C3orf20: variants seen among roughly 807,000 people sequenced by gnomAD.
The protein encoded by C3orf20 is uncharacterized protein C3orf20.
C3orf20 carries 76 observed loss-of-function variants against 88.3 expected under a neutral mutation model. That is an observed-to-expected ratio of 0.86 (90% confidence interval 0.72 to 1.04). The LOEUF (loss-of-function observed/expected upper bound fraction) is 1.04, where lower values mean the gene tolerates loss of function less well. C3orf20 is among the 50% of genes least tolerant of loss of function. C3orf20 has a pLI of 0.00. For synonymous variants in C3orf20, 436 were observed against 437.4 expected (o/e 1.00, Z 0.04); for missense variants, 1,056 against 1,123.3 (o/e 0.94, Z 0.86).
chr3:14,682,684 G>T lies in C3orf20; in HGVS notation c.-30G>T. On this transcript the variant is annotated 5_prime_UTR_variant, in exon 3 of 17. Transcript: ENST00000253697. Reference sequence around the variant, plus strand: ...CTTTTGCTCTCAGTCACCTCTCAGAGAGCTCTCTTTATAGCTGAAGGTCCC... The same window carrying T: ...CTTTTGCTCTCAGTCACCTCTCAGATAGCTCTCTTTATAGCTGAAGGTCCC... 6.4e-7 allele frequency: 1 copy of T among 1,572,730 alleles called. No homozygotes were observed. Among genetic ancestry groups the T allele is most frequent in the Non-Finnish European group, 8.6e-7 (1 of 1,160,172 alleles).
At chr3:14,692,913 G>A (rs75671167) in intron 5 of C3orf20, among the ~76,000 whole-genome samples, 6,931 of 152,216 alleles carry the variant, frequency 0.046, 218 homozygotes, top group Non-Finnish European at 0.068. Flanking sequence ...TTTGTGTATG[G>A]TGAGAGATAG....
rs2032164553 is a variant in C3orf20, at chr3:14,682,773, G to A, written c.60G>A (p.Lys20=). 3.1e-6 allele frequency: 5 copies of A among 1,614,016 alleles called. No individual in the cohort carries two copies. The highest frequency in any genetic ancestry group is 4.2e-6 in the Non-Finnish European group (5 of 1,180,026). ...AGCAATACACAGCCATGGCCCCCAAGCTACTGGCCCGCATCTCCAAACTCC... is the reference window on the plus strand; with the variant it reads ...AGCAATACACAGCCATGGCCCCCAAACTACTGGCCCGCATCTCCAAACTCC... ...LYQQYTAMAP[K]LLARISKLLM... The change falls in exon 3 of 17, where the codon AAG becomes AAA. Residue 20 remains lysine (K), a synonymous_variant. Transcript: ENST00000253697.
chr3:14,764,479 G>GTTT lies in C3orf20; in HGVS notation c.2495+2865_2495+2867dup, dbSNP rs200885717. Among the ~76,000 whole-genome samples, 290 of 124,834 alleles carry GTTT rather than the reference G, an allele frequency of 2.3e-3. 3 individuals carry two copies. Among genetic ancestry groups the GTTT allele is most frequent in the Non-Finnish European group, 1.8e-3 (97 of 54,136 alleles). 81.9% of individuals were successfully genotyped at this position (124,834 alleles called of 152,430 possible). ...CTTTGTAGGATAAAACAACACAATCGTTTATTATTATTATTATTATTATTA... is the reference window on the plus strand; with the variant it reads ...CTTTGTAGGATAAAACAACACAATCGTTTTTTATTATTATTATTATTATTATTA... On this transcript the variant is annotated intron_variant, in intron 15 of 16. Coordinates refer to ENST00000253697, the MANE Select transcript of C3orf20 (RefSeq NM_032137.5).
At chr3:14,710,143 T>TG (rs2033682741) in intron 7 of C3orf20, among the ~76,000 whole-genome samples, 1 of 152,156 alleles carries the variant, frequency 6.6e-6, no homozygotes, top group Non-Finnish European at 1.5e-5. Flanking sequence ...TCTGACTTTA[T>TG]GGTGTACAGC....
intron 1 of C3orf20, among the ~76,000 whole-genome samples, chr3:14,676,325 A>G (rs1289560921): frequency 6.6e-6 from 1 of 151,914 alleles, no homozygotes; most frequent in African/African-American, 2.4e-5. Flanking sequence ...CCCAGGTTTT[A>G]TTGCTTTTCC....
Position 14,682,767 on chromosome 3 carries a change from C to T in C3orf20, c.54C>T (p.Ala18=), listed in dbSNP as rs369236950. Residue 18 remains alanine, a synonymous_variant, in exon 3 of 17, where the codon GCC becomes GCT. Coordinates refer to ENST00000253697, the MANE Select transcript of C3orf20 (RefSeq NM_032137.5). ...TATATCAGCAATACACAGCCATGGC[C>T]CCCAAGCTACTGGCCCGCATCTCCA... ...LELYQQYTAM[A]PKLLARISKL... is the part of the protein sequence containing the mutation. The T allele has an allele frequency of 2.5e-6, 4 of 1,614,102 alleles. No individual in the cohort carries two copies. Among genetic ancestry groups the T allele is most frequent in the East Asian group, 2.2e-5 (1 of 44,892 alleles).
intron 9 of C3orf20, 83 bp from the exon 10 acceptor site, chr3:14,721,570 C>A: frequency 6.4e-7 from 1 of 1,556,064 alleles, no homozygotes. Context: ...CCAACAGGGG[C>A]TTTGTGCTTC....
At chr3:14,767,376 G>A (rs1214252743) in intron 15 of C3orf20, 1 of 152,142 alleles carries the variant, frequency 6.6e-6, no homozygotes. Flanking sequence ...TATTAGAGAA[G>A]GGAAAGTGGA....
intron 12 of C3orf20, among the ~76,000 whole-genome samples, chr3:14,740,517 G>A (rs190557698): frequency 6.6e-4 from 100 of 152,226 alleles, no homozygotes; most frequent in Non-Finnish European, 1.1e-3. Flanking sequence ...GTGACACAGA[G>A]ACATGAAGTG....
intron 12 of C3orf20, among the ~76,000 whole-genome samples, chr3:14,738,826 T>TTTG (rs1553615433): frequency 1.4e-5 from 2 of 147,274 alleles, no homozygotes; most frequent in East Asian, 3.9e-4. Context: ...TTTTTTTTTT[T>TTTG]TTTTTTTTTA....
intron 10 of C3orf20, among the ~76,000 whole-genome samples, chr3:14,722,834 G>A (rs1050842375): frequency 3.4e-4 from 51 of 152,152 alleles, no homozygotes; most frequent in African/African-American, 1.2e-3. Flanking sequence ...ATCTGGTGAT[G>A]TCAAGTCAAC....
chr3:14,736,638 C>G (rs1280384078), intron 12 of C3orf20, among the ~76,000 whole-genome samples: 1 of 149,496 alleles, frequency 6.7e-6, no homozygotes, highest in Non-Finnish European at 1.5e-5. Context: ...ATGGTCTCAG[C>G]TCACTGCAAC....
Position 14,686,169 on chromosome 3 carries a change from CT to C in C3orf20, c.625+1793del, listed in dbSNP as rs1051303783. ...GCCACCACGCCCAGCCCAGGATTTC[CT>C]TTTTTAATAGCTGAATCATATTCGT... On this transcript the variant is annotated intron_variant, in intron 4 of 16. Transcript: ENST00000253697. Among the ~76,000 whole-genome samples the C allele has an allele frequency of 6.8e-4, 100 of 147,544 alleles. 1 individual carries two copies. The highest frequency in any genetic ancestry group is 1.3e-3 in the Non-Finnish European group (84 of 66,870).
intron 12 of C3orf20, among the ~76,000 whole-genome samples, chr3:14,735,978 C>T (rs2034695856): frequency 6.6e-6 from 1 of 152,160 alleles, no homozygotes; most frequent in Admixed American, 6.5e-5. Flanking sequence ...ACACATAAGA[C>T]TATTCAGATT....
At chr3:14,687,860 G>A (rs1457285836) in intron 4 of C3orf20, among the ~76,000 whole-genome samples, 1 of 152,152 alleles carries the variant, frequency 6.6e-6, no homozygotes, top group African/African-American at 2.4e-5. Context: ...CTGGGGGCAG[G>A]GGGCCTTTTG....
At chr3:14,686,495 T>C (rs1046804430) in intron 4 of C3orf20, among the ~76,000 whole-genome samples, 1 of 152,248 alleles carries the variant, frequency 6.6e-6, no homozygotes, top group Non-Finnish European at 1.5e-5. Context: ...TGCCAGCACT[T>C]GTTAGCTTTT....
At chr3:14,761,729 GAGT>G in intron 15 of C3orf20, 114 bp downstream of exon 15, 15 of 904,376 alleles carry the variant, frequency 1.7e-5, no homozygotes, top group East Asian at 5.9e-5. Context: ...TGAAGGGATG[GAGT>G]GGGGAGGGGG....
At position 14,727,026 on chromosome 3, in the gene C3orf20, TAA is replaced by T. The variant is rs781066990; in HGVS notation, c.1690+3_1690+4del. On this transcript the variant is annotated splice_donor_region_variant and intron_variant, in intron 11 of 16. Coordinates refer to ENST00000253697, the MANE Select transcript of C3orf20 (RefSeq NM_032137.5). ...TTAATTCTATCTTGCTGGCCGCAGG[TAA>T]GGAGGCTGAAAGGTGGGCGAAGGCC... The T allele has an allele frequency of 1.8e-5, 29 of 1,613,954 alleles. No individual in the cohort carries two copies. Among genetic ancestry groups the T allele is most frequent in the Non-Finnish European group, 2.4e-5 (28 of 1,180,020 alleles).
intron 9 of C3orf20, among the ~76,000 whole-genome samples, chr3:14,717,654 A>G (rs2033989911): frequency 6.6e-6 from 1 of 151,986 alleles, no homozygotes; most frequent in African/African-American, 2.4e-5. Flanking sequence ...GATGTTTACT[A>G]TTTCCAGTGT....
Sources: gnomAD v4.1 joint callset for allele counts (sites outside exome capture counted in the v4.1 genomes callset) on GRCh38, gnomAD v4.1.1 for gene constraint, MANE v1.5 for transcripts, NCBI Gene and HGNC (gene_info 2026-07-23, HGNC 2026-07-21) for gene names.